RSF1: variants seen among roughly 807,000 people sequenced by gnomAD.
RSF1 encodes HBV pX-associated protein 8.
Under a neutral mutation model 145.2 loss-of-function variants are expected in RSF1, and 13 were observed. That is an observed-to-expected ratio of 0.09 (90% CI 0.06 to 0.14). The LOEUF is 0.14. RSF1 is among the 10% of genes least tolerant of loss of function. The pLI, the probability that RSF1 is intolerant of heterozygous loss-of-function variation, is 1.00. For missense variants in RSF1, 1,517 were observed against 1,718.2 expected (o/e 0.88, Z 2.07); for synonymous variants, 577 against 592.6 (o/e 0.97, Z 0.38).
chr11:77,823,916 TAA>T (rs557186061), upstream of RSF1, among the ~76,000 whole-genome samples: 3 of 133,702 alleles, frequency 2.2e-5, no homozygotes, highest in Admixed American at 7.5e-5. Flanking sequence ...AATAACATTC[TAA>T]AAAAAAAAAA....
intron 5 of RSF1, among the ~76,000 whole-genome samples, chr11:77,718,978 G>T (rs1416756379): frequency 6.6e-6 from 1 of 152,218 alleles, no homozygotes; most frequent in African/African-American, 2.4e-5. Flanking sequence ...GCTGGGTGCA[G>T]TGGCTCACGC....
chr11:77,835,004 T>A, the RSF1 span, among the ~76,000 whole-genome samples: 1 of 152,310 alleles, frequency 6.6e-6, no homozygotes, highest in South Asian at 2.1e-4. Context: ...ACAACAAAAA[T>A]CTGATTTATA....
intron 9 of RSF1, among the ~76,000 whole-genome samples, chr11:77,689,351 C>T (rs1052528855): frequency 6.6e-6 from 1 of 152,194 alleles, no homozygotes; most frequent in Non-Finnish European, 1.5e-5. Context: ...AAGTCAAATT[C>T]CCCAACCTGG....
intron 1 of RSF1, among the ~76,000 whole-genome samples, chr11:77,787,833 T>TAAAAAAAAAAAAAAAAAAAAAAAAAAA (rs57568918): frequency 7.7e-6 from 1 of 129,494 alleles, no homozygotes; most frequent in African/African-American, 3.0e-5. Context: ...TTCAGAACAG[T>TAAAAAAAAAAAAAAAAAAAAAAAAAAA]AAAAAAAAAA....
the RSF1 span, among the ~76,000 whole-genome samples, chr11:77,860,560 A>G: frequency 2.6e-5 from 4 of 152,240 alleles, no homozygotes; most frequent in African/African-American, 9.6e-5. Flanking sequence ...GGTTTCTGAA[A>G]GGGCAGCTAA....
rs772399598 is a variant in RSF1 at position 77,700,709 on chromosome 11, G to A, written c.2508+12C>T. 2.0e-6 allele frequency: 3 copies of A among 1,534,786 alleles called. No individual in the cohort carries two copies. Among genetic ancestry groups the A allele is most frequent in the Admixed American group, 2.2e-5 (1 of 46,122 alleles). On this transcript the variant is annotated intron_variant, in intron 6 of 15. Transcript: ENST00000308488. ...GACAAATATTTTTAATTAAAGTTAA[G>A]ACAAGTTTTACCTTGCTTACTTTAG...
chr11:77,727,753 T>G (rs1326305308), intron 4 of RSF1, among the ~76,000 whole-genome samples: 1 of 152,140 alleles, frequency 6.6e-6, no homozygotes, highest in Non-Finnish European at 1.5e-5. Context: ...CTGTTGGGAT[T>G]ACAAGCGTGA....
At chr11:77,703,308 G>A (rs1315104517) in intron 5 of RSF1, 1 of 152,060 alleles carries the variant, frequency 6.6e-6, no homozygotes, top group African/African-American at 2.4e-5. Flanking sequence ...CCTAATACTA[G>A]TGCAGATTTA....
Position 77,820,525 on chromosome 11 carries a change from T to C in RSF1, c.187+3A>G. 1 of 1,547,694 alleles carries C rather than the reference T, an allele frequency of 6.5e-7. No homozygotes were observed. Among genetic ancestry groups the C allele is most frequent in the Non-Finnish European group, 8.7e-7 (1 of 1,146,542 alleles). ...CCGCCGGGCGTTCGGGCCCCTCGCT[T>C]ACCTTCTCCGTTGCCGACGTCCGGC... On this transcript the variant is annotated splice_donor_region_variant and intron_variant, in intron 1 of 15. Transcript: ENST00000308488.
At chr11:77,783,890 C>T (rs1031647344) in intron 1 of RSF1, among the ~76,000 whole-genome samples, 3 of 151,874 alleles carry the variant, frequency 2.0e-5, no homozygotes, top group Non-Finnish European at 2.9e-5. Flanking sequence ...TCCAACAAAA[C>T]GTCTTCTTTG....
intron 10 of RSF1, 92 bp downstream of exon 10, chr11:77,685,013 A>G: frequency 3.2e-6 from 2 of 621,858 alleles, no homozygotes; most frequent in South Asian, 3.0e-5. Flanking sequence ...ATAAATAAAT[A>G]AATAAAACCA....
upstream of RSF1, among the ~76,000 whole-genome samples, chr11:77,825,356 T>C (rs1022254463): frequency 2.6e-5 from 4 of 152,034 alleles, no homozygotes; most frequent in South Asian, 2.1e-4. Flanking sequence ...TAGAGCCAAT[T>C]TGGGGAATTC....
Position 77,701,996 on chromosome 11 carries a change from T to C in RSF1, c.1233A>G (p.Lys411=). 6.2e-7 allele frequency: 1 copy of C among 1,614,064 alleles called. No homozygotes were observed. The highest frequency in any genetic ancestry group is 1.3e-5 in the African/African-American group (1 of 75,062). Residue 411 remains lysine (K), a synonymous_variant, in exon 6 of 16, where the codon AAA becomes AAG. Coordinates refer to ENST00000308488, the MANE Select transcript of RSF1 (RefSeq NM_016578.4). ...GPLCKSVTPT[K]EFLKDEIKQE... Reference sequence around the variant, plus strand: ...GTTTTATTTCATCTTTCAAAAACTCTTTTGTTGGAGTAACTGATTTACACA... The same window carrying C: ...GTTTTATTTCATCTTTCAAAAACTCCTTTGTTGGAGTAACTGATTTACACA...
the RSF1 span, among the ~76,000 whole-genome samples, chr11:77,844,331 T>C: frequency 5.3e-5 from 8 of 152,150 alleles, no homozygotes; most frequent in South Asian, 1.0e-3. Flanking sequence ...ATTAAGTCCA[T>C]TGCAGCAAAT....
At chr11:77,743,410 T>A (rs1309219583) in intron 3 of RSF1, among the ~76,000 whole-genome samples, 2 of 152,252 alleles carry the variant, frequency 1.3e-5, no homozygotes, top group Non-Finnish European at 2.9e-5. Flanking sequence ...TAATGTTTTG[T>A]AGTTTTCAGT....
intron 5 of RSF1, among the ~76,000 whole-genome samples, chr11:77,711,439 C>T (rs562121874): frequency 6.6e-6 from 1 of 152,070 alleles, no homozygotes. Flanking sequence ...GAGGCCGAGG[C>T]GAGCGGATCA....
the RSF1 span, among the ~76,000 whole-genome samples, chr11:77,847,888 G>A: frequency 2.6e-4 from 39 of 152,124 alleles, no homozygotes; most frequent in African/African-American, 8.7e-4. Context: ...CCCGGGAGCT[G>A]AAGGTTTAAA....
Position 77,808,634 on chromosome 11 carries a change from C to T in RSF1, c.187+11894G>A, listed in dbSNP as rs1380856216. Among the ~76,000 whole-genome samples the T allele has an allele frequency of 1.2e-4, 14 of 117,618 alleles. 3 individuals carry two copies. The South Asian group carries it at 4.0e-3, about 33-fold the overall frequency. 77.2% of individuals were successfully genotyped at this position (117,618 alleles called of 152,430 possible). ...CTGCAAGCTCCGCCTCCCGGGTTCA[C>T]GCCATTCTCCTGCCTCAGCCTCCCG... On this transcript the variant is annotated intron_variant, in intron 1 of 15. Coordinates refer to ENST00000308488, the MANE Select transcript of RSF1 (RefSeq NM_016578.4).
intron 1 of RSF1, among the ~76,000 whole-genome samples, chr11:77,778,053 G>C (rs1490842247): frequency 8.3e-6 from 1 of 120,248 alleles, no homozygotes; most frequent in Non-Finnish European, 1.7e-5. Flanking sequence ...GATGGCTTGA[G>C]ACCAAGAGTT....
Sources: allele counts gnomAD v4.1 joint callset (sites outside exome capture counted in the v4.1 genomes callset), GRCh38; gene constraint gnomAD v4.1.1; transcripts MANE v1.5; gene names NCBI Gene and HGNC (gene_info 2026-07-23, HGNC 2026-07-21).